Variants in KIAA1671 observed in about 807,000 individuals in gnomAD.
KIAA1671 encodes the protein uncharacterized protein KIAA1671.
In KIAA1671, 52 loss-of-function variants were observed where a neutral mutation model predicts 131.2. The observed-to-expected ratio is 0.40, with a 90% CI of 0.32 to 0.50. KIAA1671 has a LOEUF of 0.50. KIAA1671 is among the 20% of genes least tolerant of loss of function. The probability of loss-of-function intolerance (pLI) is 0.73; values close to 1 mark genes in which losing one functional copy is unlikely to be tolerated. For synonymous variants in KIAA1671, 1,003 were observed against 961.6 expected, an observed-to-expected ratio of 1.04 and a Z score of -0.80; for missense variants, 2,360 against 2,364.2, an observed-to-expected ratio of 1.00 and a Z score of 0.04.
At chr22:24,987,137 A>G (rs1602046551) in intron 1 of KIAA1671, among the ~76,000 whole-genome samples, 1 of 148,076 alleles carries the variant, frequency 6.8e-6, no homozygotes. Context: ...TGTTCTTTTG[A>G]TTTTTTTCCA....
intron 6 of KIAA1671, among the ~76,000 whole-genome samples, chr22:25,135,405 C>G (rs1254117192): frequency 6.6e-6 from 1 of 152,174 alleles, no homozygotes; most frequent in African/African-American, 2.4e-5. Context: ...CCAGGATGGT[C>G]TCGATCTCCT....
chr22:25,142,634 G>A (rs60150765), intron 6 of KIAA1671, among the ~76,000 whole-genome samples: 4,100 of 152,330 alleles, frequency 0.027, 132 homozygotes, highest in East Asian at 0.16. Context: ...CACTTTGGGA[G>A]GCCGAGGCGG....
At chr22:25,162,586 A>G (rs1234248268) in intron 6 of KIAA1671, among the ~76,000 whole-genome samples, 1 of 152,244 alleles carries the variant, frequency 6.6e-6, no homozygotes, top group East Asian at 1.9e-4. Flanking sequence ...ATTCTCAGAA[A>G]CATATTTCTC....
Position 25,028,053 on chromosome 22 carries a change from C to T in KIAA1671, c.54C>T (p.Gly18=), listed in dbSNP as rs1926047871. Residue 18 remains glycine, a synonymous_variant, in exon 3 of 13, where the codon GGC becomes GGT. Transcript: ENST00000358431. ...TAACGCCCTTGACGGCCGTGCCAGG[C>T]CTGGGTGAGATGGGCAAGGAGGAGA... ...GSITPLTAVP[G]LGEMGKEETL... 18 of 1,544,552 alleles carry T rather than the reference C, an allele frequency of 1.2e-5. No homozygotes were observed. The highest frequency in any genetic ancestry group is 8.7e-7 in the Non-Finnish European group (1 of 1,143,050).
intron 6 of KIAA1671, among the ~76,000 whole-genome samples, chr22:25,108,645 T>A (rs1394432474): frequency 6.6e-6 from 1 of 152,108 alleles, no homozygotes; most frequent in Non-Finnish European, 1.5e-5. Context: ...CATGGTGGAG[T>A]AATACTTCTG....
intron 6 of KIAA1671, among the ~76,000 whole-genome samples, chr22:25,085,448 C>T (rs1196669067): frequency 6.6e-6 from 1 of 152,132 alleles, no homozygotes; most frequent in Non-Finnish European, 1.5e-5. Flanking sequence ...CTCACCAAAC[C>T]CTCCCTCTGG....
Position 25,093,768 on chromosome 22 carries a change from GTCTCTC to G in KIAA1671, c.4530+44442_4530+44447del, listed in dbSNP as rs71191028. 3.9e-3 allele frequency among the ~76,000 whole-genome samples: 235 copies of G among 60,730 alleles called. 2 individuals are homozygous for G. Among genetic ancestry groups the G allele is most frequent in the East Asian group, 0.024 (57 of 2,350 alleles). The allele number at this position is 60,730 out of a possible 152,430, so 39.8% of individuals were successfully genotyped here. On this transcript the variant is annotated intron_variant, in intron 6 of 12. Transcript: ENST00000358431. Reference sequence around the variant, plus strand: ...TCTCTCTCTCTCTCTCTCTCTCTCTGTCTCTCTCTCTCTCTCTCTCTCTCTCTCTCT... The same window carrying G: ...TCTCTCTCTCTCTCTCTCTCTCTCTGTCTCTCTCTCTCTCTCTCTCTCTCT...
intron 8 of KIAA1671, chr22:25,175,218 G>C (rs1236715927): frequency 2.0e-5 from 3 of 152,216 alleles, no homozygotes; most frequent in African/African-American, 7.2e-5. Context: ...ACCCAGGGGT[G>C]ATGTCATTAT....
chr22:25,013,117 G>A (rs913315897), intron 1 of KIAA1671: 1 of 152,138 alleles, frequency 6.6e-6, no homozygotes, highest in Non-Finnish European at 1.5e-5. Flanking sequence ...CCTATGCAAG[G>A]CATTGAATCA....
rs1389297933 is a variant in KIAA1671, at chr22:25,040,635, C to T, written c.3505C>T (p.Arg1169Cys). The T allele has an allele frequency of 5.8e-6, 9 of 1,551,798 alleles. No homozygotes were observed. Among genetic ancestry groups the T allele is most frequent in the Middle Eastern group, 1.7e-4 (1 of 6,016 alleles). The change falls in exon 5 of 13, where the codon CGT becomes TGT. Residue 1169 changes from arginine (R) to cysteine (C), a missense_variant. This residue lies in a region of KIAA1671 where 1,161 missense variants were observed against 1,204.7 expected (regional missense o/e 0.96). Transcript: ENST00000358431. ...CCAAACCACCCCGACTCTGAGGAGT[C>T]GTCCAAAAGATCTTCCTGTGAGAAG... is the stretch of plus-strand genomic sequence containing the variant. ...APQTTPTLRSRPKDLPVRRKT... is the reference protein window; with the variant it reads ...APQTTPTLRSCPKDLPVRRKT...
At chr22:25,187,540 A>G (rs1180622786) in intron 11 of KIAA1671, among the ~76,000 whole-genome samples, 1 of 152,034 alleles carries the variant, frequency 6.6e-6, no homozygotes, top group Non-Finnish European at 1.5e-5. Flanking sequence ...TTTTTGAGAC[A>G]GGGTCTCACT....
intron 1 of KIAA1671, among the ~76,000 whole-genome samples, chr22:24,967,398 C>T (rs965096771): frequency 6.6e-6 from 1 of 152,224 alleles, no homozygotes; most frequent in Non-Finnish European, 1.5e-5. Flanking sequence ...CTCAGGTCTT[C>T]CTCCTGCAAA....
At chr22:25,108,927 C>T (rs1455811343) in intron 6 of KIAA1671, among the ~76,000 whole-genome samples, 1 of 152,176 alleles carries the variant, frequency 6.6e-6, no homozygotes, top group Non-Finnish European at 1.5e-5. Flanking sequence ...GGCTCACTCA[C>T]ATGGCCAGCA....
Position 25,118,860 on chromosome 22 carries a change from C to T in KIAA1671, c.4531-51960C>T, listed in dbSNP as rs534845936. On this transcript the variant is annotated intron_variant, in intron 6 of 12. Transcript: ENST00000358431. ...TCAGTCACCCCCTGCTCCTTCCAGA[C>T]GCCAGGACTTTGCCATCACCATTCC... Among the ~76,000 whole-genome samples the T allele has an allele frequency of 9.8e-4, 149 of 152,252 alleles. 1 individual carries two copies. Among genetic ancestry groups the T allele is most frequent in the African/African-American group, 3.3e-3 (137 of 41,546 alleles).
At chr22:24,970,730 T>TAAAAAAAAA in intron 1 of KIAA1671, among the ~76,000 whole-genome samples, 2 of 137,404 alleles carry the variant, frequency 1.5e-5, no homozygotes, top group East Asian at 5.0e-4. Flanking sequence ...GTTGATGAGC[T>TAAAAAAAAA]AAAAAAAAAA....
chr22:25,076,494 C>T (rs963739866), intron 6 of KIAA1671, among the ~76,000 whole-genome samples: 1 of 152,168 alleles, frequency 6.6e-6, no homozygotes, highest in African/African-American at 2.4e-5. Flanking sequence ...CACTTCTCTT[C>T]TGGGGGGAGA....
intron 6 of KIAA1671, among the ~76,000 whole-genome samples, chr22:25,120,956 G>A (rs529058838): frequency 4.6e-5 from 7 of 152,256 alleles, no homozygotes; most frequent in African/African-American, 1.7e-4. Flanking sequence ...AGAGGTCCCC[G>A]AGGTTTAAGT....
chr22:25,130,431 C>T (rs571904949), intron 6 of KIAA1671, among the ~76,000 whole-genome samples: 5 of 152,222 alleles, frequency 3.3e-5, no homozygotes, highest in Non-Finnish European at 7.3e-5. Context: ...TCCCAAACCT[C>T]TTCATGCCAA....
chr22:25,030,380 C>G (rs907857760), intron 3 of KIAA1671, among the ~76,000 whole-genome samples: 1 of 152,034 alleles, frequency 6.6e-6, no homozygotes, highest in South Asian at 2.1e-4. Context: ...ACTAAAAATA[C>G]AAAAATTAGC....
Sources: allele counts gnomAD v4.1 joint callset (sites outside exome capture counted in the v4.1 genomes callset), GRCh38; gene constraint gnomAD v4.1.1; regional missense constraint gnomAD v4.1.1; transcripts MANE v1.5; gene names NCBI Gene and HGNC (gene_info 2026-07-23, HGNC 2026-07-21).